PCED1B: variants seen among roughly 807,000 people sequenced by gnomAD.
PCED1B encodes PC-esterase domain-containing protein 1B.
For synonymous variants in PCED1B, 251 were observed against 246.1 expected, an observed-to-expected ratio of 1.02 and a Z score of -0.19; for missense variants, 573 against 573.9, an observed-to-expected ratio of 1.00 and a Z score of 0.02.
intron 2 of PCED1B, among the ~76,000 whole-genome samples, chr12:47,130,199 T>G (rs1525448): frequency 0.22 from 34,007 of 152,122 alleles, 7,187 homozygotes; most frequent in African/African-American, 0.56. Context: ...AAAAGGTTAG[T>G]AGTTAATACA....
chr12:47,217,488 G>GAAAGAAAGAA, intron 3 of PCED1B, among the ~76,000 whole-genome samples: 1 of 97,698 alleles, frequency 1.0e-5, no homozygotes, highest in East Asian at 3.6e-4. Flanking sequence ...AAGAAAGAAA[G>GAAAGAAAGAA]AAAGAAAGAA....
In PCED1B at chr12:47,205,529, T is replaced by C. The variant is rs529857154; in HGVS notation, c.-525-10693T>C. 2.0e-5 allele frequency among the ~76,000 whole-genome samples: 3 copies of C among 152,336 alleles called. No individual in the cohort carries two copies. In the South Asian group the frequency reaches 6.2e-4, roughly 32 times the overall value. ...TACCGTCTTTGTTTCAAAGTTATAC[T>C]ATAAACTAAGTTCCTGCCAAAGTTA... is the stretch of plus-strand genomic sequence containing the variant. On this transcript the variant is annotated intron_variant, in intron 2 of 3. Transcript: ENST00000546455.
At chr12:47,100,812 C>G (rs1938669590) in intron 1 of PCED1B, among the ~76,000 whole-genome samples, 1 of 152,150 alleles carries the variant, frequency 6.6e-6, no homozygotes, top group African/African-American at 2.4e-5. Flanking sequence ...TTATGGTTGT[C>G]ATCCCAGCAC....
intron 3 of PCED1B, among the ~76,000 whole-genome samples, chr12:47,222,514 G>C (rs1943515606): frequency 6.6e-6 from 1 of 150,864 alleles, no homozygotes; most frequent in South Asian, 2.1e-4. Context: ...TCCAACCCCA[G>C]ATAACTTTAT....
At chr12:47,177,773 G>A (rs530961406) in intron 2 of PCED1B, among the ~76,000 whole-genome samples, 1 of 152,242 alleles carries the variant, frequency 6.6e-6, no homozygotes, top group South Asian at 2.1e-4. Flanking sequence ...GGCCAACATG[G>A]TGAAACCCTG....
rs376253452 is a variant in PCED1B, at chr12:47,235,938, C to T, written c.875C>T (p.Pro292Leu). 29 of 1,611,976 alleles carry T rather than the reference C, an allele frequency of 1.8e-5. No individual in the cohort carries two copies. Among genetic ancestry groups the T allele is most frequent in the Middle Eastern group, 1.6e-4 (1 of 6,080 alleles). ...NRNHPALPLS[P>L]PLPSPTYRPL... ...AATCACCCGGCCTTACCTCTGTCCC[C>T]ACCCTTACCTTCCCCCACATACCGC... Residue 292 changes from proline to leucine, a missense_variant, in exon 4 of 4, where the codon CCA becomes CTA. Coordinates refer to ENST00000546455, the MANE Select transcript of PCED1B (RefSeq NM_138371.3).
chr12:47,203,654 T>C (rs1368740302), intron 2 of PCED1B, among the ~76,000 whole-genome samples: 1 of 152,244 alleles, frequency 6.6e-6, no homozygotes, highest in Admixed American at 6.5e-5. Context: ...TCATTCCTTT[T>C]ATGGCTGCAT....
At chr12:47,169,139 C>T (rs1166651689) in intron 2 of PCED1B, among the ~76,000 whole-genome samples, 3 of 152,094 alleles carry the variant, frequency 2.0e-5, no homozygotes, top group Non-Finnish European at 2.9e-5. Context: ...AAATGAAGAC[C>T]TAAAGAAACA....
intron 3 of PCED1B, among the ~76,000 whole-genome samples, chr12:47,229,690 C>T (rs1416942874): frequency 6.6e-6 from 1 of 152,146 alleles, no homozygotes; most frequent in Non-Finnish European, 1.5e-5. Context: ...CTTAACCACT[C>T]ATGTGGACTG....
At chr12:47,154,126 C>T (rs913340248) in intron 2 of PCED1B, among the ~76,000 whole-genome samples, 2 of 152,180 alleles carry the variant, frequency 1.3e-5, no homozygotes, top group Admixed American at 1.3e-4. Flanking sequence ...CCATTTGACC[C>T]AGGAAACGCG....
At chr12:47,102,510 A>G (rs1316227865) in intron 1 of PCED1B, among the ~76,000 whole-genome samples, 1 of 152,160 alleles carries the variant, frequency 6.6e-6, no homozygotes, top group African/African-American at 2.4e-5. Context: ...TCAGGAAGAG[A>G]GTCTAGATTT....
At chr12:47,113,077 A>G (rs1939268049) in intron 2 of PCED1B, among the ~76,000 whole-genome samples, 1 of 152,176 alleles carries the variant, frequency 6.6e-6, no homozygotes, top group Non-Finnish European at 1.5e-5. Context: ...TCCCCTCCCA[A>G]TGACTTGGGG....
chr12:47,236,141 C>T lies in PCED1B; in HGVS notation c.1078C>T (p.Pro360Ser). 6.2e-7 allele frequency: 1 copy of T among 1,614,092 alleles called. No homozygotes were observed. Among genetic ancestry groups the T allele is most frequent in the South Asian group, 1.1e-5 (1 of 91,082 alleles). ...TCAATTCTATTGCCATTCAGATGTCCCCTCATCAGCCCATGCAGGTTTCTT... is the reference window on the plus strand; with the variant it reads ...TCAATTCTATTGCCATTCAGATGTCTCCTCATCAGCCCATGCAGGTTTCTT... ...SDQFYCHSDV[P>S]SSAHAGFFVE... Residue 360 changes from proline to serine, a missense_variant, in exon 4 of 4, where the codon CCC (proline) becomes TCC (serine). Transcript: ENST00000546455.
intron 2 of PCED1B, among the ~76,000 whole-genome samples, chr12:47,197,787 A>G (rs1415643604): frequency 1.3e-5 from 2 of 152,194 alleles, no homozygotes; most frequent in African/African-American, 2.4e-5. Flanking sequence ...AAATATGATC[A>G]TTTATATGAA....
chr12:47,188,219 T>TG (rs1942335171), intron 2 of PCED1B, among the ~76,000 whole-genome samples: 1 of 152,114 alleles, frequency 6.6e-6, no homozygotes, highest in Non-Finnish European at 1.5e-5. Flanking sequence ...CTAACACCAT[T>TG]GGGGTCTCTT....
intron 2 of PCED1B, among the ~76,000 whole-genome samples, chr12:47,173,015 G>A (rs1389230591): frequency 6.6e-6 from 1 of 152,186 alleles, no homozygotes; most frequent in African/African-American, 2.4e-5. Flanking sequence ...ACAATAAAGA[G>A]GAGAAAATCA....
intron 2 of PCED1B, among the ~76,000 whole-genome samples, chr12:47,146,911 G>A (rs775448532): frequency 6.6e-6 from 1 of 150,968 alleles, no homozygotes; most frequent in Non-Finnish European, 1.5e-5. Context: ...CTTTCCTCTT[G>A]CATCTTACTG....
At chr12:47,115,000 A>G (rs536687571) in intron 2 of PCED1B, among the ~76,000 whole-genome samples, 1 of 152,358 alleles carries the variant, frequency 6.6e-6, no homozygotes, top group South Asian at 2.1e-4. Context: ...TTCAAAAATA[A>G]TAAAGAACAA....
intron 1 of PCED1B, among the ~76,000 whole-genome samples, chr12:47,102,659 G>A (rs545116874): frequency 1.3e-5 from 2 of 152,198 alleles, no homozygotes; most frequent in African/African-American, 4.8e-5. Flanking sequence ...CCTGAGAGTC[G>A]CTTGTGTGTC....
Sources: allele counts gnomAD v4.1 joint callset (sites outside exome capture counted in the v4.1 genomes callset), GRCh38; gene constraint gnomAD v4.1.1; transcripts MANE v1.5; gene names NCBI Gene and HGNC (gene_info 2026-07-23, HGNC 2026-07-21).